SSBP3: variants seen among roughly 807,000 people sequenced by gnomAD.
The protein encoded by SSBP3 is single-stranded DNA-binding protein 3.
Under a neutral mutation model 69.6 loss-of-function variants are expected in SSBP3, and 5 were observed. The ratio of observed to expected loss-of-function variants is 0.07; its 90% CI spans 0.04 to 0.15. The LOEUF is 0.15. Ranked by LOEUF, SSBP3 falls within the 10% of genes least tolerant of loss-of-function variation. The pLI, the probability that SSBP3 is intolerant of heterozygous loss-of-function variation, is 1.00. For synonymous variants in SSBP3, 196 were observed against 193.4 expected (o/e 1.01, Z -0.11); for missense variants, 312 against 534.0 (o/e 0.58, Z 4.10).
chr1:54,229,120 A>C (rs994138568), intron 14 of SSBP3, among the ~76,000 whole-genome samples: 2 of 152,156 alleles, frequency 1.3e-5, no homozygotes, highest in Non-Finnish European at 2.9e-5. Flanking sequence ...CTCGGATCCC[A>C]CCACAGGGCC....
chr1:54,343,969 T>C (rs1646649921), intron 4 of SSBP3, among the ~76,000 whole-genome samples: 1 of 152,154 alleles, frequency 6.6e-6, no homozygotes, highest in Admixed American at 6.5e-5. Flanking sequence ...AAGAGTAGTC[T>C]GTACTTCCAT....
chr1:54,313,964 A>G (rs1646052032), intron 4 of SSBP3, among the ~76,000 whole-genome samples: 3 of 152,118 alleles, frequency 2.0e-5, no homozygotes, highest in South Asian at 4.1e-4. Context: ...GGGTTTCACC[A>G]TGTTATCCAG....
At chr1:54,235,034 A>G (rs686930) in intron 14 of SSBP3, among the ~76,000 whole-genome samples, 97,206 of 152,094 alleles carry the variant, frequency 0.64, 31,931 homozygotes, top group African/African-American at 0.8. Context: ...ACTGACTCCT[A>G]GTGTCACCTA....
At chr1:54,386,364 G>C (rs1294274022) in intron 4 of SSBP3, among the ~76,000 whole-genome samples, 2 of 152,154 alleles carry the variant, frequency 1.3e-5, no homozygotes, top group Non-Finnish European at 2.9e-5. Context: ...AATGCCCCAC[G>C]GGCACAGCAC....
chr1:54,314,102 C>T (rs538395303), intron 4 of SSBP3, among the ~76,000 whole-genome samples: 16 of 152,242 alleles, frequency 1.1e-4, no homozygotes, highest in South Asian at 2.1e-4. Flanking sequence ...ATCAGAGTGG[C>T]TGAGATGGAA....
At chr1:54,289,188 CTA>C (rs1229222023) in intron 4 of SSBP3, among the ~76,000 whole-genome samples, 2 of 152,056 alleles carry the variant, frequency 1.3e-5, no homozygotes, top group African/African-American at 2.4e-5. Flanking sequence ...TTGAGACTGT[CTA>C]TATGTTTTTG....
chr1:54,285,997 C>CTA (rs1326178726), intron 4 of SSBP3, among the ~76,000 whole-genome samples: 10 of 152,188 alleles, frequency 6.6e-5, no homozygotes, highest in African/African-American at 2.4e-4. Context: ...CCAGCTAAGT[C>CTA]TACACACCAA....
chr1:54,373,799 T>G (rs1479103869), intron 4 of SSBP3, among the ~76,000 whole-genome samples: 2 of 147,096 alleles, frequency 1.4e-5, no homozygotes, highest in Non-Finnish European at 3.0e-5. Flanking sequence ...GGAATGCCTC[T>G]CGGCACACCA....
intron 4 of SSBP3, among the ~76,000 whole-genome samples, chr1:54,303,300 A>T (rs941303784): frequency 7.9e-5 from 12 of 151,676 alleles, no homozygotes; most frequent in African/African-American, 2.9e-4. Flanking sequence ...CCTGTGCTAG[A>T]TGATCCCTTT....
chr1:54,405,720 G>T (rs1176624833), intron 1 of SSBP3, among the ~76,000 whole-genome samples: 2 of 151,496 alleles, frequency 1.3e-5, no homozygotes, highest in Admixed American at 1.3e-4. Context: ...CCCTCCGGCG[G>T]CTCCCCCCAC....
chr1:54,253,153 G>A (rs1198507667), intron 7 of SSBP3, among the ~76,000 whole-genome samples: 3 of 148,786 alleles, frequency 2.0e-5, no homozygotes, highest in African/African-American at 7.4e-5. Context: ...TGTTCACGAA[G>A]TAGAATTGGT....
chr1:54,247,454 C>A (rs1180558609), intron 9 of SSBP3, among the ~76,000 whole-genome samples: 1 of 152,190 alleles, frequency 6.6e-6, no homozygotes, highest in African/African-American at 2.4e-5. Context: ...CCTTTTCCTT[C>A]CTCACCAGCT....
chr1:54,284,143 T>C (rs1569607956), intron 4 of SSBP3, among the ~76,000 whole-genome samples: 1 of 144,528 alleles, frequency 6.9e-6, no homozygotes, highest in Non-Finnish European at 1.5e-5. Flanking sequence ...ACACAGGGTC[T>C]TACTATGTTG....
intron 4 of SSBP3, among the ~76,000 whole-genome samples, chr1:54,298,306 C>T (rs556449531): frequency 1.9e-4 from 29 of 152,156 alleles, no homozygotes; most frequent in Non-Finnish European, 4.0e-4. Context: ...TACGGTCACA[C>T]GGAAGGCACG....
intron 9 of SSBP3, among the ~76,000 whole-genome samples, chr1:54,248,604 C>T (rs1644772330): frequency 6.6e-6 from 1 of 152,126 alleles, no homozygotes; most frequent in African/African-American, 2.4e-5. Flanking sequence ...CCTCTCCCTA[C>T]CCTCCACCTC....
chr1:54,363,550 A>C (rs1646982877), intron 4 of SSBP3, among the ~76,000 whole-genome samples: 1 of 152,166 alleles, frequency 6.6e-6, no homozygotes, highest in South Asian at 2.1e-4. Context: ...CACACCAACC[A>C]CAATCTTCTC....
At chr1:54,389,442 C>T (rs897668390) in intron 4 of SSBP3, among the ~76,000 whole-genome samples, 1 of 152,144 alleles carries the variant, frequency 6.6e-6, no homozygotes, top group African/African-American at 2.4e-5. Flanking sequence ...CAGTCAGGAA[C>T]CCTATGAGCC....
chr1:54,407,573 G>A (rs1215659937), upstream of SSBP3, among the ~76,000 whole-genome samples: 1 of 152,014 alleles, frequency 6.6e-6, no homozygotes, highest in African/African-American at 2.4e-5. Flanking sequence ...CGGCGAAATA[G>A]GGGAAGGCTC....
At chr1:54,277,823 AC>A (rs1645317977) in intron 5 of SSBP3, among the ~76,000 whole-genome samples, 1 of 152,150 alleles carries the variant, frequency 6.6e-6, no homozygotes. Flanking sequence ...TTCTTACTGG[AC>A]AGTGTCCCCC....
Sources: gnomAD v4.1 joint callset for allele counts (sites outside exome capture counted in the v4.1 genomes callset) on GRCh38, gnomAD v4.1.1 for gene constraint, MANE v1.5 for transcripts, NCBI Gene and HGNC (gene_info 2026-07-23, HGNC 2026-07-21) for gene names.